The following MAGI3 variants were observed in gnomAD, a reference collection of about 807,000 sequenced individuals.
MAGI3 encodes the protein membrane associated guanylate kinase, WW and PDZ domain containing 3.
MAGI3 carries 43 observed loss-of-function variants against 121.8 expected under a neutral mutation model. That is an observed-to-expected ratio of 0.35 (90% confidence interval 0.28 to 0.46). The LOEUF (loss-of-function observed/expected upper bound fraction) is 0.46, where lower values mean the gene tolerates loss of function less well. MAGI3 is among the 20% of genes least tolerant of loss of function. The probability of loss-of-function intolerance (pLI) is 1.00; values close to 1 mark genes in which losing one functional copy is unlikely to be tolerated. For synonymous variants in MAGI3, 553 were observed against 639.3 expected (o/e 0.86, Z 2.04); for missense variants, 1,547 against 1,797.3 (o/e 0.86, Z 2.52).
intron 9 of MAGI3, among the ~76,000 whole-genome samples, chr1:113,640,414 T>G (rs962294368): frequency 9.9e-5 from 15 of 152,180 alleles, no homozygotes; most frequent in African/African-American, 3.4e-4. Flanking sequence ...CATTCTACTA[T>G]AAAGACACAT....
chr1:113,396,175 C>T (rs1430353537), intron 1 of MAGI3, among the ~76,000 whole-genome samples: 1 of 151,740 alleles, frequency 6.6e-6, no homozygotes, highest in Non-Finnish European at 1.5e-5. Context: ...CCCCTAAGTG[C>T]TTTGTAATTT....
intron 1 of MAGI3, among the ~76,000 whole-genome samples, chr1:113,512,505 A>T (rs1300623302): frequency 6.6e-6 from 1 of 152,192 alleles, no homozygotes; most frequent in Non-Finnish European, 1.5e-5. Flanking sequence ...AAGGGAGAGA[A>T]ATAAAAATAT....
At chr1:113,625,045 T>C (rs1218926557) in intron 9 of MAGI3, among the ~76,000 whole-genome samples, 5 of 152,222 alleles carry the variant, frequency 3.3e-5, no homozygotes, top group African/African-American at 9.6e-5. Flanking sequence ...TCTGTTCCAC[T>C]GGTCTATGTG....
chr1:113,598,507 A>G (rs562210412), intron 6 of MAGI3, among the ~76,000 whole-genome samples: 1 of 152,270 alleles, frequency 6.6e-6, no homozygotes, highest in East Asian at 1.9e-4. Context: ...ACAAATGGAA[A>G]CTCAAAGTGA....
chr1:113,585,539 C>T lies in MAGI3; in HGVS notation c.706C>T (p.Leu236Phe). 1 of 1,614,148 alleles carries T rather than the reference C, an allele frequency of 6.2e-7. No homozygotes were observed. Among genetic ancestry groups the T allele is most frequent in the South Asian group, 1.1e-5 (1 of 91,076 alleles). The change falls in exon 4 of 21, where the codon CTT becomes TTT. Residue 236 changes from leucine (L) to phenylalanine (F), a missense_variant. Transcript: ENST00000307546. ...CAAGATGGAAAGAATGGATAGCTCT[C>T]TTCCTGAAGAGGAAGAAGATGAGGA... ...VSKMERMDSSLPEEEEDEDKE... is the reference protein window; with the variant it reads ...VSKMERMDSSFPEEEEDEDKE...
At chr1:113,556,525 T>C (rs1311636363) in intron 2 of MAGI3, among the ~76,000 whole-genome samples, 4 of 151,372 alleles carry the variant, frequency 2.6e-5, no homozygotes, top group Admixed American at 2.0e-4. Context: ...ATCCTATAGA[T>C]GTTAAGTGTG....
intron 1 of MAGI3, among the ~76,000 whole-genome samples, chr1:113,545,784 C>T (rs926835087): frequency 2.0e-5 from 3 of 152,106 alleles, no homozygotes; most frequent in African/African-American, 4.8e-5. Context: ...TACTTAGAAG[C>T]CAAGGCGTAA....
chr1:113,598,061 A>T (rs949877067), intron 6 of MAGI3, among the ~76,000 whole-genome samples: 1 of 152,060 alleles, frequency 6.6e-6, no homozygotes, highest in African/African-American at 2.4e-5. Context: ...AAAATACAAA[A>T]ATTAGCCAGA....
At position 113,476,013 on chromosome 1, in the gene MAGI3, G is replaced by A. The variant is rs200891820; in HGVS notation, c.317-73502G>A. Among the ~76,000 whole-genome samples the A allele has an allele frequency of 7.4e-4, 113 of 152,220 alleles. No homozygotes were observed. The East Asian group carries it at 0.014, about 19-fold the overall frequency. ...CTTCTAGATTTTCTAGTTTATTTGC[G>A]TAGAGGTGTTTGTAGTATTCTCTGA... is the stretch of plus-strand genomic sequence containing the variant. On this transcript the variant is annotated intron_variant, in intron 1 of 20. Coordinates refer to ENST00000307546, the MANE Select transcript of MAGI3 (RefSeq NM_001142782.2).
chr1:113,512,102 A>T (rs1349556752), intron 1 of MAGI3, among the ~76,000 whole-genome samples: 1 of 152,242 alleles, frequency 6.6e-6, no homozygotes, highest in African/African-American at 2.4e-5. Context: ...CACATTTAAA[A>T]TCAGTAAAAT....
chr1:113,470,476 T>C (rs1435318267), intron 1 of MAGI3, among the ~76,000 whole-genome samples: 2 of 152,168 alleles, frequency 1.3e-5, no homozygotes, highest in Admixed American at 6.5e-5. Flanking sequence ...TGACCAGAAC[T>C]TAATCACGTG....
chr1:113,619,950 G>C lies in MAGI3; in HGVS notation c.1171+120G>C, dbSNP rs1415446417. On this transcript the variant is annotated intron_variant, in intron 8 of 20. Transcript: ENST00000307546. ...CTTTGACACTAAAGAGTGTCTAGTT[G>C]TTACTGTAAAGATATGAATAATCTT... 6.4e-6 allele frequency: 4 copies of C among 626,844 alleles called. No homozygotes were observed. In the East Asian group the frequency reaches 8.6e-5, roughly 13 times the overall value. 38.8% of individuals were successfully genotyped at this position (626,844 alleles called of 1,614,324 possible).
At chr1:113,491,886 C>A (rs1458521106) in intron 1 of MAGI3, among the ~76,000 whole-genome samples, 1 of 151,938 alleles carries the variant, frequency 6.6e-6, no homozygotes, top group Non-Finnish European at 1.5e-5. Context: ...AATAGCCTAC[C>A]AACCAAAAAG....
intron 16 of MAGI3, among the ~76,000 whole-genome samples, chr1:113,667,680 C>T (rs1557882738): frequency 6.6e-6 from 1 of 152,218 alleles, no homozygotes; most frequent in Admixed American, 6.5e-5. Context: ...CTAACTGGTA[C>T]AAGAGGTCTA....
At chr1:113,670,573 A>G (rs1647486711) in intron 16 of MAGI3, among the ~76,000 whole-genome samples, 1 of 152,226 alleles carries the variant, frequency 6.6e-6, no homozygotes, top group Non-Finnish European at 1.5e-5. Context: ...AAAGCAAGGT[A>G]AAGATTTCAG....
At chr1:113,633,545 G>A (rs1651801837) in intron 9 of MAGI3, among the ~76,000 whole-genome samples, 1 of 152,072 alleles carries the variant, frequency 6.6e-6, no homozygotes, top group South Asian at 2.1e-4. Flanking sequence ...ACAGGCGTGA[G>A]CCACCGCGCC....
intron 1 of MAGI3, among the ~76,000 whole-genome samples, chr1:113,543,371 T>G (rs1659379619): frequency 6.6e-6 from 1 of 152,226 alleles, no homozygotes; most frequent in Non-Finnish European, 1.5e-5. Context: ...GCTGCTTTAA[T>G]GAAGAATTGA....
In MAGI3 at chr1:113,566,742, A is replaced by AT. The variant is rs1022482650; in HGVS notation, c.434-13794dup. On this transcript the variant is annotated intron_variant, in intron 2 of 20. Transcript: ENST00000307546. ...GAATTTAGGAAATACCTGGAGATAA[A>AT]TTTTTTAAAAAGATACAACATACTA... Among the ~76,000 whole-genome samples, 18 of 152,066 alleles carry AT rather than the reference A, an allele frequency of 1.2e-4. 1 individual carries two copies. Among genetic ancestry groups the AT allele is most frequent in the Non-Finnish European group, 1.9e-4 (13 of 67,954 alleles).
chr1:113,602,969 CAT>C (rs200872576), intron 6 of MAGI3, among the ~76,000 whole-genome samples: 6 of 150,534 alleles, frequency 4.0e-5, no homozygotes, highest in East Asian at 1.9e-4. Flanking sequence ...TATGTATACA[CAT>C]ATATATATAT....
Sources: allele counts gnomAD v4.1 joint callset (sites outside exome capture counted in the v4.1 genomes callset), GRCh38; gene constraint gnomAD v4.1.1; transcripts MANE v1.5; gene names NCBI Gene and HGNC (gene_info 2026-07-23, HGNC 2026-07-21).